Variants in CNTN4 observed in about 807,000 individuals in gnomAD.
CNTN4 encodes contactin-4.
CNTN4 carries 77 observed loss-of-function variants against 122.5 expected under a neutral mutation model. The ratio of observed to expected loss-of-function variants is 0.63; its 90% confidence interval spans 0.52 to 0.76. The LOEUF is 0.76. Among genes scored for constraint, CNTN4 ranks in the 30% least tolerant of loss-of-function variants. The probability of loss-of-function intolerance (pLI) is 0.00; values close to 1 mark genes in which losing one functional copy is unlikely to be tolerated. For missense variants in CNTN4, 1,256 were observed against 1,259.1 expected (o/e 1.00, Z 0.04); for synonymous variants, 512 against 447.0 (o/e 1.15, Z -1.83).
intron 13 of CNTN4, among the ~76,000 whole-genome samples, chr3:2,938,401 G>T (rs995371480): frequency 6.6e-6 from 1 of 151,982 alleles, no homozygotes; most frequent in Non-Finnish European, 1.5e-5. Context: ...AATGTTATGG[G>T]ATCAGTCCTA....
intron 14 of CNTN4, among the ~76,000 whole-genome samples, chr3:3,009,933 G>A (rs1326288661): frequency 1.3e-5 from 2 of 152,062 alleles, no homozygotes; most frequent in Non-Finnish European, 2.9e-5. Flanking sequence ...TAATATTTCG[G>A]TGTTTCCTTT....
chr3:2,198,604 A>G (rs1361269639), intron 2 of CNTN4, among the ~76,000 whole-genome samples: 2 of 152,216 alleles, frequency 1.3e-5, no homozygotes, highest in Non-Finnish European at 2.9e-5. Context: ...CTGAATTAGC[A>G]TAAAATCAGT....
chr3:2,673,510 G>T (rs754239355), intron 4 of CNTN4, among the ~76,000 whole-genome samples: 1 of 152,096 alleles, frequency 6.6e-6, no homozygotes, highest in Non-Finnish European at 1.5e-5. Flanking sequence ...GTAGAATGTG[G>T]CAGAAGTGAT....
chr3:2,200,805 A>G (rs1475895323), intron 2 of CNTN4, among the ~76,000 whole-genome samples: 1 of 152,172 alleles, frequency 6.6e-6, no homozygotes, highest in Non-Finnish European at 1.5e-5. Flanking sequence ...TGCATTTTGA[A>G]TGTGATACTT....
chr3:2,575,806 CTTCTTTTTTTTTT>C (rs1159829099), intron 4 of CNTN4, among the ~76,000 whole-genome samples: 4 of 106,722 alleles, frequency 3.7e-5, no homozygotes, highest in Non-Finnish European at 5.2e-5. Context: ...CTTTCTTCTT[CTTCTTTTTTTTTT>C]TTTTTTTTTT....
At chr3:2,981,227 G>A (rs940429387) in intron 13 of CNTN4, among the ~76,000 whole-genome samples, 2 of 152,148 alleles carry the variant, frequency 1.3e-5, no homozygotes, top group African/African-American at 2.4e-5. Context: ...GGCAGATCAC[G>A]AGGTCAGGAG....
chr3:2,731,408 T>C (rs1247844743), intron 4 of CNTN4, among the ~76,000 whole-genome samples: 1 of 152,158 alleles, frequency 6.6e-6, no homozygotes, highest in African/African-American at 2.4e-5. Context: ...AGTGACTGAT[T>C]GGCAGGTACC....
Position 2,933,296 on chromosome 3 carries a change from T to C in CNTN4, c.1358+7517T>C, listed in dbSNP as rs536661455. Among the ~76,000 whole-genome samples the C allele has an allele frequency of 6.6e-5, 10 of 152,282 alleles. No individual in the cohort carries two copies. The South Asian group carries it at 8.3e-4, about 13-fold the overall frequency. On this transcript the variant is annotated intron_variant, in intron 13 of 24. Transcript: ENST00000418658. ...GGGAAGATAAGCTGGTAATTGACGT[T>C]GTCAGGGTGAGATTCAACGGAATTT...
chr3:2,741,823 A>G (rs1301038505), intron 5 of CNTN4, among the ~76,000 whole-genome samples: 1 of 152,222 alleles, frequency 6.6e-6, no homozygotes, highest in Non-Finnish European at 1.5e-5. Flanking sequence ...TGCTTTTGTA[A>G]CACTGTGTTT....
At chr3:2,964,038 A>C (rs1429549927) in intron 13 of CNTN4, among the ~76,000 whole-genome samples, 1 of 152,226 alleles carries the variant, frequency 6.6e-6, no homozygotes, top group Non-Finnish European at 1.5e-5. Flanking sequence ...TGCCTGACAC[A>C]TAGTAGGTTC....
chr3:2,763,582 C>T (rs922078641), intron 6 of CNTN4, among the ~76,000 whole-genome samples: 1 of 152,090 alleles, frequency 6.6e-6, no homozygotes, highest in African/African-American at 2.4e-5. Flanking sequence ...AATGGTATTG[C>T]CCAGGTGTTG....
At chr3:2,218,827 T>C (rs948229289) in intron 2 of CNTN4, among the ~76,000 whole-genome samples, 6 of 152,222 alleles carry the variant, frequency 3.9e-5, no homozygotes, top group Admixed American at 3.3e-4. Context: ...TAGGAGTGGT[T>C]TATCAGATTT....
chr3:2,914,142 G>A lies in CNTN4; in HGVS notation c.1207+11137G>A, dbSNP rs532408369. Among the ~76,000 whole-genome samples the A allele has an allele frequency of 4.9e-4, 75 of 152,200 alleles. 1 individual carries two copies. The highest frequency in any genetic ancestry group is 3.1e-3 in the Admixed American group (48 of 15,282). On this transcript the variant is annotated intron_variant, in intron 12 of 24. Transcript: ENST00000418658. ...AAAATACAACATACCAAAACTTACGGATGCAGCAAAAGCAGTAATAAGAGG... is the reference window on the plus strand; with the variant it reads ...AAAATACAACATACCAAAACTTACGAATGCAGCAAAAGCAGTAATAAGAGG...
intron 3 of CNTN4, among the ~76,000 whole-genome samples, chr3:2,418,774 A>T (rs999680999): frequency 6.6e-6 from 1 of 152,242 alleles, no homozygotes; most frequent in Admixed American, 6.5e-5. Context: ...CATTGAATTG[A>T]TGAAAGTAAT....
chr3:3,017,163 C>G (rs940485191), intron 14 of CNTN4, among the ~76,000 whole-genome samples: 3 of 152,124 alleles, frequency 2.0e-5, no homozygotes, highest in Non-Finnish European at 4.4e-5. Context: ...GTTCCTCTTC[C>G]CTTCTTCTTA....
At chr3:2,160,779 G>A (rs1015667444) in intron 2 of CNTN4, among the ~76,000 whole-genome samples, 3 of 152,120 alleles carry the variant, frequency 2.0e-5, no homozygotes, top group African/African-American at 7.2e-5. Flanking sequence ...TATACGGTGC[G>A]TATTATTAAG....
At chr3:2,198,220 A>G (rs1258244035) in intron 2 of CNTN4, among the ~76,000 whole-genome samples, 2 of 152,194 alleles carry the variant, frequency 1.3e-5, no homozygotes, top group Middle Eastern at 3.2e-3. Flanking sequence ...GGAAAGTTTC[A>G]GTCTTTTCCT....
chr3:2,226,806 A>G (rs1366793764), intron 2 of CNTN4, among the ~76,000 whole-genome samples: 1 of 152,122 alleles, frequency 6.6e-6, no homozygotes, highest in Non-Finnish European at 1.5e-5. Flanking sequence ...ATTGAATAAG[A>G]ATTTTAGCCT....
At chr3:2,153,213 T>C (rs1400483248) in intron 2 of CNTN4, among the ~76,000 whole-genome samples, 3 of 152,132 alleles carry the variant, frequency 2.0e-5, no homozygotes, top group Non-Finnish European at 2.9e-5. Flanking sequence ...ACCAATGGTA[T>C]TTAAAACCTC....
Sources: gnomAD v4.1 joint callset for allele counts (sites outside exome capture counted in the v4.1 genomes callset) on GRCh38, gnomAD v4.1.1 for gene constraint, MANE v1.5 for transcripts, NCBI Gene and HGNC (gene_info 2026-07-23, HGNC 2026-07-21) for gene names.